OPCML: variants seen among roughly 807,000 people sequenced by gnomAD.
OPCML encodes the protein opioid-binding protein/cell adhesion molecule.
In OPCML, 13 loss-of-function variants were observed where a neutral mutation model predicts 37.8. The ratio of observed to expected loss-of-function variants is 0.34; its 90% CI spans 0.22 to 0.55. The LOEUF is 0.55. OPCML is among the 20% of genes least tolerant of loss of function. OPCML has a pLI of 0.91. For missense variants in OPCML, 341 were observed against 435.6 expected (o/e 0.78, Z 1.93); for synonymous variants, 176 against 168.8 (o/e 1.04, Z -0.33).
At chr11:133,365,396 T>C (rs985090327) in intron 1 of OPCML, 4 of 152,458 alleles carry the variant, frequency 2.6e-5, no homozygotes, top group Non-Finnish European at 2.9e-5. Context: ...GGTTTGCAGA[T>C]AGTGGTTTTC....
chr11:132,485,156 A>C (rs2096195572), intron 4 of OPCML, among the ~76,000 whole-genome samples: 1 of 152,108 alleles, frequency 6.6e-6, no homozygotes, highest in African/African-American at 2.4e-5. Context: ...CTGACCTAAG[A>C]ATTAGTGTCT....
intron 1 of OPCML, among the ~76,000 whole-genome samples, chr11:133,289,809 T>A (rs1942423885): frequency 6.6e-6 from 1 of 152,042 alleles, no homozygotes; most frequent in Non-Finnish European, 1.5e-5. Flanking sequence ...CTTGGTGTTT[T>A]AAAAATTCTA....
chr11:133,485,596 A>G (rs1185845473), intron 1 of OPCML, among the ~76,000 whole-genome samples: 1 of 152,200 alleles, frequency 6.6e-6, no homozygotes, highest in Non-Finnish European at 1.5e-5. Flanking sequence ...AGCAAACTGA[A>G]ATAAGACCTG....
intron 1 of OPCML, among the ~76,000 whole-genome samples, chr11:133,163,294 T>C (rs1332383440): frequency 1.3e-5 from 2 of 152,162 alleles, no homozygotes; most frequent in African/African-American, 4.8e-5. Context: ...TCCGAGACTC[T>C]GTGGAAGTGT....
intron 3 of OPCML, among the ~76,000 whole-genome samples, chr11:132,587,343 C>G (rs548436198): frequency 2.6e-4 from 39 of 152,324 alleles, no homozygotes; most frequent in Admixed American, 2.5e-3. Flanking sequence ...TGACTGTAGT[C>G]AGAGCTGTCC....
intron 2 of OPCML, among the ~76,000 whole-genome samples, chr11:132,689,356 G>T (rs1591731352): frequency 2.0e-5 from 3 of 152,302 alleles, no homozygotes; most frequent in Non-Finnish European, 4.4e-5. Flanking sequence ...ATGACTGACA[G>T]TTCAAATTTT....
At chr11:133,513,095 C>T (rs11223491) in intron 1 of OPCML, among the ~76,000 whole-genome samples, 25,558 of 151,946 alleles carry the variant, frequency 0.17, 5,283 homozygotes, top group African/African-American at 0.49. Flanking sequence ...AGCAATTCTC[C>T]CTGGGAGTAA....
chr11:132,554,701 C>T (rs1413455972), intron 3 of OPCML, among the ~76,000 whole-genome samples: 1 of 152,042 alleles, frequency 6.6e-6, no homozygotes, highest in Admixed American at 6.6e-5. Context: ...CTAGGCTTTC[C>T]AATGTTCTGA....
At chr11:132,490,766 G>A (rs1263457245) in intron 4 of OPCML, among the ~76,000 whole-genome samples, 6 of 150,456 alleles carry the variant, frequency 4.0e-5, no homozygotes, top group Non-Finnish European at 8.9e-5. Flanking sequence ...AGCCGAGATC[G>A]TGCCACTGCA....
chr11:133,103,234 C>A (rs567251092), intron 1 of OPCML, among the ~76,000 whole-genome samples: 2 of 152,246 alleles, frequency 1.3e-5, no homozygotes, highest in African/African-American at 4.8e-5. Flanking sequence ...TCTATTTGAT[C>A]AACCTTTACA....
intron 1 of OPCML, among the ~76,000 whole-genome samples, chr11:133,048,255 C>T (rs1282031567): frequency 6.6e-6 from 1 of 152,114 alleles, no homozygotes; most frequent in Non-Finnish European, 1.5e-5. Context: ...CTCTTATTAT[C>T]TCCATCTTAT....
chr11:133,254,776 G>A (rs1385225551), intron 1 of OPCML, among the ~76,000 whole-genome samples: 1 of 152,186 alleles, frequency 6.6e-6, no homozygotes, highest in Admixed American at 6.5e-5. Context: ...GCAGGGGAGT[G>A]CACTGGAGAT....
chr11:132,454,329 A>C (rs1035211829), intron 4 of OPCML, among the ~76,000 whole-genome samples: 7 of 152,198 alleles, frequency 4.6e-5, no homozygotes, highest in African/African-American at 1.7e-4. Context: ...CAGTGTTTGC[A>C]TCCATTCCTG....
chr11:132,803,066 T>C (rs1243492682), intron 2 of OPCML, among the ~76,000 whole-genome samples: 1 of 152,134 alleles, frequency 6.6e-6, no homozygotes, highest in African/African-American at 2.4e-5. Context: ...TTTGGAATGG[T>C]TTAATCCTGG....
At chr11:133,061,555 A>G (rs1462229729) in intron 1 of OPCML, among the ~76,000 whole-genome samples, 1 of 152,200 alleles carries the variant, frequency 6.6e-6, no homozygotes, top group Non-Finnish European at 1.5e-5. Context: ...GTAAACACTA[A>G]TATTTTCTTC....
chr11:132,850,119 GCCCT>G (rs1237186146), intron 2 of OPCML, among the ~76,000 whole-genome samples: 1 of 152,084 alleles, frequency 6.6e-6, no homozygotes, highest in Non-Finnish European at 1.5e-5. Flanking sequence ...CTTGTGTTTA[GCCCT>G]CCCTCTAAGT....
intron 2 of OPCML, among the ~76,000 whole-genome samples, chr11:132,933,554 T>G (rs927955019): frequency 6.6e-6 from 1 of 151,682 alleles, no homozygotes; most frequent in Non-Finnish European, 1.5e-5. Context: ...GAGAATATCT[T>G]CATTAGAAAA....
At chr11:133,286,470 CAAAAAAAAAA>C (rs60645863) in intron 1 of OPCML, among the ~76,000 whole-genome samples, 1,105 of 51,352 alleles carry the variant, frequency 0.022, 28 homozygotes, top group African/African-American at 0.067. Context: ...CTGTGTCTCA[CAAAAAAAAAA>C]AAAAAAAAAA....
intron 2 of OPCML, among the ~76,000 whole-genome samples, chr11:132,761,229 CTTTT>C (rs71067393): frequency 8.2e-6 from 1 of 122,670 alleles, no homozygotes; most frequent in Non-Finnish European, 1.7e-5. Flanking sequence ...CTGCGCTTAA[CTTTT>C]TTTTTTTTTT....
Sources: allele counts gnomAD v4.1 joint callset (sites outside exome capture counted in the v4.1 genomes callset), GRCh38; gene constraint gnomAD v4.1.1; transcripts MANE v1.5; gene names NCBI Gene and HGNC (gene_info 2026-07-23, HGNC 2026-07-21).